Variants in DLC1 observed in about 807,000 individuals in gnomAD.
The protein encoded by DLC1 is DLC1 Rho GTPase activating protein.
DLC1 carries 54 observed loss-of-function variants against 140.3 expected under a neutral mutation model. The ratio of observed to expected loss-of-function variants is 0.38; its 90% CI spans 0.31 to 0.48. The LOEUF (loss-of-function observed/expected upper bound fraction) is 0.48. DLC1 is among the 20% of genes least tolerant of loss of function. The pLI is 0.96. For missense variants in DLC1, 2,536 were observed against 1,907.0 expected (o/e 1.33, Z -6.14); for synonymous variants, 986 against 728.1 (o/e 1.35, Z -5.70).
chr8:13,411,139 A>G (rs545134951), intron 2 of DLC1, among the ~76,000 whole-genome samples: 1 of 152,220 alleles, frequency 6.6e-6, no homozygotes, highest in African/African-American at 2.4e-5. Flanking sequence ...AACTTTATTC[A>G]TACTTGCTGA....
chr8:13,476,495 C>T (rs1585173173), intron 2 of DLC1, among the ~76,000 whole-genome samples: 1 of 146,962 alleles, frequency 6.8e-6, no homozygotes, highest in African/African-American at 2.5e-5. Flanking sequence ...ATGGCTAATA[C>T]ATAGTCAACC....
At chr8:13,232,816 G>C (rs1829111142) in intron 5 of DLC1, among the ~76,000 whole-genome samples, 1 of 152,208 alleles carries the variant, frequency 6.6e-6, no homozygotes, top group African/African-American at 2.4e-5. Context: ...TATAGTCTCA[G>C]ATGAGTTCTT....
chr8:13,427,389 T>C (rs2077158311), intron 2 of DLC1, among the ~76,000 whole-genome samples: 1 of 151,934 alleles, frequency 6.6e-6, no homozygotes, highest in Non-Finnish European at 1.5e-5. Context: ...TCCACCCATT[T>C]CTCCTTTCCT....
At chr8:13,384,914 T>C (rs1836448055) in intron 4 of DLC1, among the ~76,000 whole-genome samples, 1 of 142,868 alleles carries the variant, frequency 7.0e-6, no homozygotes, top group Non-Finnish European at 1.6e-5. Flanking sequence ...TCCTAGAGGC[T>C]GGACATAAAA....
chr8:13,363,751 G>T (rs570054433), intron 4 of DLC1, among the ~76,000 whole-genome samples: 8 of 152,212 alleles, frequency 5.3e-5, no homozygotes, highest in Non-Finnish European at 7.4e-5. Context: ...AAAATCTAAG[G>T]TCGCCAAGCA....
intron 5 of DLC1, among the ~76,000 whole-genome samples, chr8:13,199,185 T>C (rs939782656): frequency 2.8e-4 from 39 of 139,622 alleles, no homozygotes; most frequent in African/African-American, 8.7e-4. Context: ...TTCTTTTTTT[T>C]TTTTTTTTTT....
At chr8:13,097,834 A>C (rs1818634007) in intron 10 of DLC1, among the ~76,000 whole-genome samples, 1 of 151,938 alleles carries the variant, frequency 6.6e-6, no homozygotes, top group Admixed American at 6.6e-5. Flanking sequence ...CAACCCACCC[A>C]CGCTGATAAT....
chr8:13,133,723 C>T (rs1822338049), intron 5 of DLC1, among the ~76,000 whole-genome samples: 2 of 151,932 alleles, frequency 1.3e-5, no homozygotes, highest in Admixed American at 1.3e-4. Flanking sequence ...GTGCCTTGAG[C>T]GTCCCTTCTT....
chr8:13,447,178 G>A (rs2116949941), intron 2 of DLC1, among the ~76,000 whole-genome samples: 1 of 152,160 alleles, frequency 6.6e-6, no homozygotes, highest in Non-Finnish European at 1.5e-5. Context: ...TTGATTTTTG[G>A]AATGAGAATA....
chr8:13,144,287 C>G (rs1033137195), intron 5 of DLC1, among the ~76,000 whole-genome samples: 6 of 152,166 alleles, frequency 3.9e-5, no homozygotes, highest in African/African-American at 1.4e-4. Flanking sequence ...AGACTTGAAC[C>G]AGTGCCCCTG....
At chr8:13,199,480 G>A (rs780822099) in intron 5 of DLC1, among the ~76,000 whole-genome samples, 1 of 151,942 alleles carries the variant, frequency 6.6e-6, no homozygotes, top group Non-Finnish European at 1.5e-5. Flanking sequence ...TGGGCCCCGC[G>A]TTCTCATTCT....
intron 2 of DLC1, among the ~76,000 whole-genome samples, chr8:13,494,285 T>A (rs1801399782): frequency 6.6e-6 from 1 of 152,240 alleles, no homozygotes; most frequent in Non-Finnish European, 1.5e-5. Flanking sequence ...GTCCCTTACG[T>A]CTTTGATAAT....
intron 5 of DLC1, among the ~76,000 whole-genome samples, chr8:13,130,809 G>A (rs1230158129): frequency 6.6e-6 from 1 of 152,174 alleles, no homozygotes; most frequent in Non-Finnish European, 1.5e-5. Flanking sequence ...GCTGTTTGGT[G>A]TCTGGTGCTA....
At chr8:13,543,395 G>T (rs1164468121) in intron 1 of DLC1, among the ~76,000 whole-genome samples, 1 of 152,110 alleles carries the variant, frequency 6.6e-6, no homozygotes, top group South Asian at 2.1e-4. Flanking sequence ...ATTTTAAAAT[G>T]TGTCTTTTTG....
chr8:13,407,728 G>A (rs938228717), intron 2 of DLC1, among the ~76,000 whole-genome samples: 4 of 152,132 alleles, frequency 2.6e-5, no homozygotes, highest in Admixed American at 1.3e-4. Context: ...CAAGGTTCTG[G>A]CCCCTATGCT....
At chr8:13,585,778 G>C (rs1378346455) in intron 1 of DLC1, among the ~76,000 whole-genome samples, 4 of 152,080 alleles carry the variant, frequency 2.6e-5, no homozygotes, top group Admixed American at 2.6e-4. Context: ...TTCTACCCAT[G>C]CTCATATCCC....
chr8:13,537,837 T>C (rs558524911), intron 1 of DLC1, among the ~76,000 whole-genome samples: 1 of 152,024 alleles, frequency 6.6e-6, no homozygotes, highest in East Asian at 1.9e-4. Flanking sequence ...GTATTTTTAC[T>C]GGAGACAGGG....
intron 5 of DLC1, among the ~76,000 whole-genome samples, chr8:13,145,383 A>G (rs902632021): frequency 2.0e-5 from 3 of 152,258 alleles, no homozygotes; most frequent in Admixed American, 1.3e-4. Flanking sequence ...TACTAAGTTT[A>G]TACTTTAAAA....
chr8:13,337,709 G>A (rs965365581), intron 4 of DLC1, among the ~76,000 whole-genome samples: 1 of 152,148 alleles, frequency 6.6e-6, no homozygotes, highest in Non-Finnish European at 1.5e-5. Context: ...TACCTACAGA[G>A]CATCTTTCCC....
Sources: allele counts gnomAD v4.1 joint callset (sites outside exome capture counted in the v4.1 genomes callset), GRCh38; gene constraint gnomAD v4.1.1; transcripts MANE v1.5; gene names NCBI Gene and HGNC (gene_info 2026-07-23, HGNC 2026-07-21).